Variants in ELP5 observed in about 807,000 individuals in gnomAD.
ELP5 encodes the protein elongator acetyltransferase complex subunit 5.
A neutral mutation model predicts 33.4 loss-of-function variants in ELP5; 34 were observed. That is an observed-to-expected ratio of 1.02 (90% confidence interval 0.78 to 1.36). The LOEUF (loss-of-function observed/expected upper bound fraction) is 1.36. Among genes scored for constraint, ELP5 ranks in the 40% most tolerant of loss-of-function variants. The pLI, the probability that ELP5 is intolerant of heterozygous loss-of-function variation, is 0.00. For missense variants in ELP5, 373 were observed against 371.7 expected (o/e 1.00, Z -0.03); for synonymous variants, 161 against 146.4 (o/e 1.10, Z -0.72).
chr17:7,258,103 T>C (rs549540102), intron 5 of ELP5, among the ~76,000 whole-genome samples: 2 of 149,534 alleles, frequency 1.3e-5, no homozygotes, highest in South Asian at 4.2e-4. Context: ...GCCTAAGGAG[T>C]CGCCATCCTT....
In ELP5 at chr17:7,252,962, A is replaced by T. The variant is rs769822007; in HGVS notation, c.152A>T (p.Glu51Val). 6.2e-7 allele frequency: 1 copy of T among 1,614,148 alleles called. No individual in the cohort carries two copies. ...HILGCEVSEEEFREGFDSDIN... is the reference protein window; with the variant it reads ...HILGCEVSEEVFREGFDSDIN... The stretch of plus-strand genomic sequence containing the variant: ...CTGGGCTGTGAAGTGAGCGAGGAAG[A>T]GTTTCGTGAAGGTTTTGACTCTGAT... The change falls in exon 3 of 8, where the codon GAG becomes GTG. Residue 51 changes from glutamate (E) to valine (V), a missense_variant. Transcript: ENST00000396628.
chr17:7,258,486 C>A, intron 5 of ELP5, 102 bp from the exon 6 acceptor site: 3 of 1,081,580 alleles, frequency 2.8e-6, no homozygotes, highest in Non-Finnish European at 4.0e-6. Context: ...GAGCTGAAAG[C>A]AGTCAGTTAA....
At position 7,252,432 on chromosome 17, in the gene ELP5, T is replaced by C; in HGVS notation, c.-119T>C. The C allele has an allele frequency of 2.1e-6, 3 of 1,440,046 alleles. No homozygotes were observed. The South Asian group carries it at 3.6e-5, about 17-fold the overall frequency. The allele number at this position is 1,440,046 out of a possible 1,614,324, so 89.2% of individuals were successfully genotyped here. A position where few individuals can be genotyped will look rare whatever the true frequency, so the allele number is the denominator to read the frequency against. Reference sequence around the variant, plus strand: ...TAATCACCTCTCATTCCAGACTATGTTAGGTCTTAATGGTGGGAGGACGCC... The same window carrying C: ...TAATCACCTCTCATTCCAGACTATGCTAGGTCTTAATGGTGGGAGGACGCC... On this transcript the variant is annotated 5_prime_UTR_variant, in exon 1 of 8. Transcript: ENST00000396628.
In ELP5 at chr17:7,252,347, T is replaced by C; in HGVS notation, c.-204T>C. On this transcript the variant is annotated 5_prime_UTR_variant, in exon 1 of 8. Transcript: ENST00000396628. ...GACGGGGTCGTTGTCCGTACGACTG[T>C]GCGCCAGGGCTCGGGGAGGGGCGCC... 1.4e-6 allele frequency: 1 copy of C among 722,380 alleles called. No individual in the cohort carries two copies. Among genetic ancestry groups the C allele is most frequent in the South Asian group, 1.6e-5 (1 of 62,098 alleles). The allele number at this position is 722,380 out of a possible 1,614,324, so 44.7% of individuals were successfully genotyped here.
rs193039008 is a variant in ELP5 at position 7,253,572 on chromosome 17, A to C, written c.188+574A>C. ...GCCTGATCAGGAGACATTAAGAACC[A>C]TTAGTAGGATGCTTTCTACTTCCTA... On this transcript the variant is annotated intron_variant, in intron 3 of 7. Transcript: ENST00000396628. Among the ~76,000 whole-genome samples, 24 of 152,370 alleles carry C rather than the reference A, an allele frequency of 1.6e-4. No homozygotes were observed. The East Asian group carries it at 4.6e-3, about 29-fold the overall frequency.
At chr17:7,254,063 C>G (rs1465988950) in intron 3 of ELP5, among the ~76,000 whole-genome samples, 2 of 150,666 alleles carry the variant, frequency 1.3e-5, no homozygotes, top group Non-Finnish European at 1.5e-5. Context: ...AAAAAAAGTT[C>G]TGCTACCTAT....
Position 7,259,774 on chromosome 17 carries a change from C to G in ELP5, c.*89C>G. The G allele has an allele frequency of 6.5e-7, 1 of 1,541,240 alleles. No homozygotes were observed. The highest frequency in any genetic ancestry group is 1.2e-5 in the South Asian group (1 of 82,858). On this transcript the variant is annotated 3_prime_UTR_variant, in exon 8 of 8. Transcript: ENST00000396628. ...CTTTCTATTGTTTGTGTTAGCCTTA[C>G]CCTGTCCCTGCCCCACCTTGGTTCC... is the stretch of plus-strand genomic sequence containing the variant.
chr17:7,254,739 T>G lies in ELP5; in HGVS notation c.345T>G (p.Leu115=). 6.2e-7 allele frequency: 1 copy of G among 1,613,980 alleles called. No individual in the cohort carries two copies. The highest frequency in any genetic ancestry group is 8.5e-7 in the Non-Finnish European group (1 of 1,180,006). Residue 115 remains leucine (L), a synonymous_variant, in exon 4 of 8, where the codon CTT becomes CTG. Transcript: ENST00000396628. Reference sequence around the variant, plus strand: ...TCGATTCACTCAGCTGGCTGCTACTTCGCCTTCCCTGCACCACACTCTGCC... The same window carrying G: ...TCGATTCACTCAGCTGGCTGCTACTGCGCCTTCCCTGCACCACACTCTGCC... ...IALDSLSWLL[L]RLPCTTLCQV... is the part of the protein sequence containing the mutation.
chr17:7,254,863 C>T, intron 4 of ELP5, 60 bp downstream of exon 4: 2 of 1,437,918 alleles, frequency 1.4e-6, no homozygotes, highest in South Asian at 1.2e-5. Flanking sequence ...GAGTGTGCCC[C>T]TTTTCCTTTC....
chr17:7,259,776 C>T lies in ELP5; in HGVS notation c.*91C>T, dbSNP rs2072171636. 6.5e-7 allele frequency: 1 copy of T among 1,535,938 alleles called. No homozygotes were observed. Among genetic ancestry groups the T allele is most frequent in the Non-Finnish European group, 8.8e-7 (1 of 1,141,910 alleles). The stretch of plus-strand genomic sequence containing the variant: ...TTCTATTGTTTGTGTTAGCCTTACC[C>T]TGTCCCTGCCCCACCTTGGTTCCCC... On this transcript the variant is annotated 3_prime_UTR_variant, in exon 8 of 8. Coordinates refer to ENST00000396628, the MANE Select transcript of ELP5 (RefSeq NM_203414.3).
chr17:7,259,084 T>C, intron 7 of ELP5, 158 bp downstream of exon 7: 1 of 1,461,552 alleles, frequency 6.8e-7, no homozygotes. Context: ...ATTCCCCCTA[T>C]AATGGCAGAG....
At chr17:7,255,225 C>T (rs1332787098) in intron 4 of ELP5, among the ~76,000 whole-genome samples, 1 of 152,024 alleles carries the variant, frequency 6.6e-6, no homozygotes, top group African/African-American at 2.4e-5. Flanking sequence ...CACAGGGCAC[C>T]TTAAAGAAGG....
chr17:7,259,373 A>G, intron 7 of ELP5, 198 bp from the exon 8 acceptor site: 1 of 1,411,580 alleles, frequency 7.1e-7, no homozygotes, highest in Non-Finnish European at 9.2e-7. Flanking sequence ...TTTTATTAGG[A>G]GAGCAGTACA....
chr17:7,252,645 G>A, intron 1 of ELP5, 49 bp downstream of exon 1: 1 of 1,603,636 alleles, frequency 6.2e-7, no homozygotes, highest in South Asian at 1.1e-5. Context: ...GTTCGGGCCT[G>A]GCTGAGGGGA....
At chr17:7,256,676 A>T (rs2072081685) in intron 4 of ELP5, among the ~76,000 whole-genome samples, 181 bp from the exon 5 acceptor site, 1 of 152,212 alleles carries the variant, frequency 6.6e-6, no homozygotes, top group Non-Finnish European at 1.5e-5. Flanking sequence ...CATTGGGATG[A>T]TAGAGGAGAT....
Position 7,252,391 on chromosome 17 carries a change from C to G in ELP5, c.-160C>G. The G allele has an allele frequency of 8.6e-7, 1 of 1,157,366 alleles. No individual in the cohort carries two copies. Among genetic ancestry groups the G allele is most frequent in the South Asian group, 1.3e-5 (1 of 75,468 alleles). The allele number at this position is 1,157,366 out of a possible 1,614,324, so 71.7% of individuals were successfully genotyped here. On this transcript the variant is annotated 5_prime_UTR_variant, in exon 1 of 8. Transcript: ENST00000396628. ...GGGCGCCCTCCGCGTGAGCGCCCCC[C>G]TGGGAATATTGAACATAATCACCTC...
At chr17:7,258,445 T>C in intron 5 of ELP5, 143 bp from the exon 6 acceptor site, 1 of 667,190 alleles carries the variant, frequency 1.5e-6, no homozygotes, top group Non-Finnish European at 2.4e-6. Context: ...CCAGACCCTG[T>C]CTCAAAAAAA....
intron 4 of ELP5, among the ~76,000 whole-genome samples, chr17:7,256,509 CTG>C (rs201460574): frequency 0.01 from 1,534 of 152,302 alleles, 30 homozygotes; most frequent in African/African-American, 0.034. Context: ...AAGGCACTGA[CTG>C]AGATCTTGGG....
At chr17:7,252,085 A>C, upstream of ELP5, 1 of 255,980 alleles carries the variant, frequency 3.9e-6, no homozygotes. Flanking sequence ...TATGGCGGGT[A>C]GGTATAAGGA....
Sources: gnomAD v4.1 joint callset for allele counts (sites outside exome capture counted in the v4.1 genomes callset) on GRCh38, gnomAD v4.1.1 for gene constraint, MANE v1.5 for transcripts, NCBI Gene and HGNC (gene_info 2026-07-23, HGNC 2026-07-21) for gene names.